C8orf34: variants seen among roughly 807,000 people sequenced by gnomAD.
C8orf34 encodes uncharacterized protein C8orf34.
In C8orf34, 65 loss-of-function variants were observed where a neutral mutation model predicts 68.3. The ratio of observed to expected loss-of-function variants is 0.95; its 90% confidence interval spans 0.78 to 1.17. C8orf34 has a LOEUF of 1.17. Ranked by LOEUF, C8orf34 falls within the 50% of genes most tolerant of loss-of-function variation. The pLI, the probability that C8orf34 is intolerant of heterozygous loss-of-function variation, is 0.00. For synonymous variants in C8orf34, 244 were observed against 241.2 expected, an observed-to-expected ratio of 1.01 and a Z score of -0.11; for missense variants, 664 against 655.4, an observed-to-expected ratio of 1.01 and a Z score of -0.14.
At chr8:68,479,440 C>A (rs1459953442) in intron 4 of C8orf34, among the ~76,000 whole-genome samples, 2 of 144,820 alleles carry the variant, frequency 1.4e-5, no homozygotes, top group African/African-American at 2.7e-5. Flanking sequence ...AGAGAGAAAG[C>A]AACAGAGAGA....
rs575851429 is a variant in C8orf34 at position 68,614,283 on chromosome 8, C to A, written c.1106-26093C>A. ...TAGTTTCTTTTGCTGTGCAGAAGCT[C>A]TTTAGTTTAATTAGATCGCATTTGT... is the stretch of plus-strand genomic sequence containing the variant. On this transcript the variant is annotated intron_variant, in intron 7 of 13. Coordinates refer to ENST00000518698, the MANE Select transcript of C8orf34 (RefSeq NM_052958.4). Among the ~76,000 whole-genome samples the A allele has an allele frequency of 2.0e-5, 3 of 152,150 alleles. No individual in the cohort carries two copies. In the East Asian group the frequency reaches 5.8e-4, roughly 29 times the overall value.
At chr8:68,661,801 G>T (rs1318241329) in intron 8 of C8orf34, among the ~76,000 whole-genome samples, 3 of 151,982 alleles carry the variant, frequency 2.0e-5, no homozygotes, top group Non-Finnish European at 4.4e-5. Context: ...GGTTCTCGGG[G>T]GACCCTTTCC....
intron 1 of C8orf34, among the ~76,000 whole-genome samples, chr8:68,341,451 A>C (rs1217950241): frequency 6.6e-6 from 1 of 152,222 alleles, no homozygotes; most frequent in Non-Finnish European, 1.5e-5. Flanking sequence ...GAAATCTAAA[A>C]AAACTGAACT....
At chr8:68,520,743 G>A (rs1016566184) in intron 5 of C8orf34, among the ~76,000 whole-genome samples, 10 of 152,096 alleles carry the variant, frequency 6.6e-5, no homozygotes, top group African/African-American at 1.9e-4. Flanking sequence ...GCTTACAGGC[G>A]TGAGCCACCG....
At chr8:68,611,088 A>C (rs1818009558) in intron 7 of C8orf34, among the ~76,000 whole-genome samples, 1 of 152,032 alleles carries the variant, frequency 6.6e-6, no homozygotes, top group Non-Finnish European at 1.5e-5. Flanking sequence ...GCTGGTCTCG[A>C]ACTCCCGACC....
intron 1 of C8orf34, among the ~76,000 whole-genome samples, chr8:68,427,543 A>G (rs1193385391): frequency 6.6e-6 from 1 of 152,138 alleles, no homozygotes; most frequent in Non-Finnish European, 1.5e-5. Context: ...TTAGATATAG[A>G]GGGAAGAATG....
At chr8:68,760,590 G>C (rs1019318097) in intron 10 of C8orf34, among the ~76,000 whole-genome samples, 1 of 152,190 alleles carries the variant, frequency 6.6e-6, no homozygotes, top group African/African-American at 2.4e-5. Flanking sequence ...ATCTGAGCAT[G>C]AGACTCTTTG....
intron 8 of C8orf34, among the ~76,000 whole-genome samples, chr8:68,694,849 G>A (rs1233111837): frequency 6.6e-6 from 1 of 151,896 alleles, no homozygotes; most frequent in Admixed American, 6.6e-5. Context: ...GTGCCTAAAT[G>A]GTGAGCATAA....
intron 1 of C8orf34, among the ~76,000 whole-genome samples, chr8:68,362,620 C>A (rs557737928): frequency 1.3e-5 from 2 of 152,282 alleles, no homozygotes; most frequent in African/African-American, 4.8e-5. Flanking sequence ...GGAGGCACCC[C>A]CCAGCAGGGG....
intron 1 of C8orf34, among the ~76,000 whole-genome samples, chr8:68,332,955 C>A (rs1374214753): frequency 1.3e-5 from 2 of 152,186 alleles, no homozygotes; most frequent in African/African-American, 4.8e-5. Flanking sequence ...CTAAAACCTT[C>A]TGCAACGCAG....
At chr8:68,452,313 C>T (rs758080062) in intron 3 of C8orf34, among the ~76,000 whole-genome samples, 3 of 151,066 alleles carry the variant, frequency 2.0e-5, no homozygotes, top group Admixed American at 6.6e-5. Flanking sequence ...TGTGTAACTT[C>T]GAGGAGCTGC....
intron 5 of C8orf34, among the ~76,000 whole-genome samples, chr8:68,514,353 G>T (rs543306587): frequency 6.6e-6 from 1 of 152,242 alleles, no homozygotes; most frequent in East Asian, 1.9e-4. Flanking sequence ...GGCTGTCTCA[G>T]ATGCAGGAAG....
chr8:68,808,917 C>T (rs1824565500), intron 12 of C8orf34, among the ~76,000 whole-genome samples: 1 of 147,310 alleles, frequency 6.8e-6, no homozygotes, highest in Non-Finnish European at 1.5e-5. Context: ...GTTTTGTTGC[C>T]AGCCACTTAA....
At chr8:68,557,637 A>G (rs918243175) in intron 7 of C8orf34, among the ~76,000 whole-genome samples, 20 of 152,158 alleles carry the variant, frequency 1.3e-4, no homozygotes, top group Non-Finnish European at 2.1e-4. Flanking sequence ...ATTGCCTGCC[A>G]TAGAACAACC....
rs141954374 is a variant in C8orf34, at chr8:68,806,009, C to A, written c.1550-9877C>A. Among the ~76,000 whole-genome samples, 8 of 151,654 alleles carry A rather than the reference C, an allele frequency of 5.3e-5. 1 individual carries two copies. The highest frequency in any genetic ancestry group is 1.9e-4 in the African/African-American group (8 of 41,386). On this transcript the variant is annotated intron_variant, in intron 12 of 13. Coordinates refer to ENST00000518698, the MANE Select transcript of C8orf34 (RefSeq NM_052958.4). The stretch of plus-strand genomic sequence containing the variant: ...GTTATATACTCTTTTAAGATTCTTT[C>A]GATAGTTGTTCTTGAGATTGCAACA...
chr8:68,482,378 A>G (rs1042212455), intron 4 of C8orf34, among the ~76,000 whole-genome samples: 2 of 152,192 alleles, frequency 1.3e-5, no homozygotes, highest in Non-Finnish European at 2.9e-5. Context: ...CTCAACTTCT[A>G]GCAGGAATGC....
intron 1 of C8orf34, among the ~76,000 whole-genome samples, chr8:68,410,574 C>A (rs1809401708): frequency 6.6e-6 from 1 of 151,806 alleles, no homozygotes; most frequent in African/African-American, 2.4e-5. Context: ...TGTGTGGATA[C>A]TGGGGGATAG....
chr8:68,376,073 C>T (rs1045147398), intron 1 of C8orf34, among the ~76,000 whole-genome samples: 3 of 152,036 alleles, frequency 2.0e-5, no homozygotes, highest in African/African-American at 7.3e-5. Context: ...GTCAATGTCC[C>T]TGTCCTTTTC....
chr8:68,546,288 A>T (rs1318375710), intron 7 of C8orf34, among the ~76,000 whole-genome samples: 1 of 152,000 alleles, frequency 6.6e-6, no homozygotes, highest in Non-Finnish European at 1.5e-5. Context: ...GTCAGACTGG[A>T]TAAACGAGCA....
Sources: gnomAD v4.1 joint callset for allele counts (sites outside exome capture counted in the v4.1 genomes callset) on GRCh38, gnomAD v4.1.1 for gene constraint, MANE v1.5 for transcripts, NCBI Gene and HGNC (gene_info 2026-07-23, HGNC 2026-07-21) for gene names.